Variants in EYS observed in about 807,000 individuals in gnomAD.
EYS encodes the protein EGF-like photoreceptor maintenance factor.
EYS carries 250 observed loss-of-function variants against 282.1 expected under a neutral mutation model. The ratio of observed to expected loss-of-function variants is 0.89; its 90% CI spans 0.80 to 0.98. The LOEUF is 0.98. EYS is among the 50% of genes least tolerant of loss of function. EYS has a pLI of 0.00. For missense variants in EYS, 4,016 were observed against 3,709.0 expected (o/e 1.08, Z -2.15); for synonymous variants, 1,355 against 1,282.9 (o/e 1.06, Z -1.20).
intron 14 of EYS, among the ~76,000 whole-genome samples, chr6:64,946,657 T>G (rs1769883287): frequency 6.6e-6 from 1 of 152,028 alleles, no homozygotes; most frequent in Non-Finnish European, 1.5e-5. Flanking sequence ...TTAACTGTTA[T>G]TTAAATCTGC....
chr6:63,901,498 T>C (rs1773658127), intron 35 of EYS, among the ~76,000 whole-genome samples: 1 of 152,208 alleles, frequency 6.6e-6, no homozygotes, highest in Non-Finnish European at 1.5e-5. Flanking sequence ...GTATGAAGAA[T>C]ATAACTTTAC....
intron 31 of EYS, among the ~76,000 whole-genome samples, chr6:64,125,916 CTTTTT>C (rs111945672): frequency 0.018 from 2,504 of 140,718 alleles, 58 homozygotes; most frequent in African/African-American, 0.059. Context: ...CTATTCTCTT[CTTTTT>C]TTTTTTTTTA....
chr6:63,946,693 T>A (rs2149761683), intron 35 of EYS, among the ~76,000 whole-genome samples: 1 of 151,760 alleles, frequency 6.6e-6, no homozygotes, highest in Admixed American at 6.6e-5. Flanking sequence ...AAGTTTTGTA[T>A]GAAATCCTGA....
At chr6:64,226,434 TA>T (rs1766254749) in intron 31 of EYS, among the ~76,000 whole-genome samples, 1 of 152,120 alleles carries the variant, frequency 6.6e-6, no homozygotes, top group Admixed American at 6.6e-5. Flanking sequence ...AAAACTGTTT[TA>T]TAGAACACTA....
chr6:64,012,416 TCAGTATCAGCAGATGG>T (rs1768681072), intron 33 of EYS, among the ~76,000 whole-genome samples: 2 of 152,094 alleles, frequency 1.3e-5, no homozygotes, highest in African/African-American at 2.4e-5. Context: ...GCCCAGAGAC[TCAGTATCAGCAGATGG>T]CAGTAAAGGT....
At chr6:65,014,324 T>G (rs1227901667) in intron 13 of EYS, among the ~76,000 whole-genome samples, 1 of 152,178 alleles carries the variant, frequency 6.6e-6, no homozygotes, top group Admixed American at 6.6e-5. Flanking sequence ...GTTAAACCAT[T>G]CACAGATTTT....
chr6:65,611,675 C>T (rs551302702), intron 2 of EYS, among the ~76,000 whole-genome samples: 18 of 152,132 alleles, frequency 1.2e-4, no homozygotes, highest in African/African-American at 4.1e-4. Flanking sequence ...ATGGCATTTG[C>T]GATTTATCGC....
rs192647076 is a variant in EYS at position 65,398,346 on chromosome 6, A to C, written c.1184+4132T>G. Among the ~76,000 whole-genome samples the C allele has an allele frequency of 4.1e-3, 622 of 152,202 alleles. 5 individuals carry two copies. The highest frequency in any genetic ancestry group is 0.014 in the African/African-American group (590 of 41,562). ...ATACCTACAACAAATTGATCTTTGA[A>C]AAAGTCAACAAAAATATACATTGGG... is the stretch of plus-strand genomic sequence containing the variant. On this transcript the variant is annotated intron_variant, in intron 7 of 42. Coordinates refer to ENST00000503581, the MANE Select transcript of EYS (RefSeq NM_001142800.2).
chr6:64,683,323 A>T, intron 22 of EYS, among the ~76,000 whole-genome samples: 1 of 152,200 alleles, frequency 6.6e-6, no homozygotes, highest in East Asian at 1.9e-4. Context: ...AAAGGAGCCA[A>T]TATCAATATA....
chr6:63,939,196 C>T (rs1765160611), intron 35 of EYS, among the ~76,000 whole-genome samples: 1 of 151,502 alleles, frequency 6.6e-6, no homozygotes, highest in South Asian at 2.1e-4. Context: ...ATTTCAAAAG[C>T]CTTTTCAAGC....
chr6:65,664,551 G>C (rs963257818), intron 1 of EYS, among the ~76,000 whole-genome samples: 2 of 152,120 alleles, frequency 1.3e-5, no homozygotes, highest in African/African-American at 4.8e-5. Context: ...ATTTGATAGA[G>C]AAAAGAAGAC....
intron 30 of EYS, among the ~76,000 whole-genome samples, chr6:64,274,611 C>G (rs1768053356): frequency 6.7e-6 from 1 of 148,968 alleles, no homozygotes; most frequent in Admixed American, 6.8e-5. Flanking sequence ...AACTATCCTT[C>G]TTTTCTTCAG....
rs575884058 is a variant in EYS at position 64,578,661 on chromosome 6, C to T, written c.5644+11562G>A. The stretch of plus-strand genomic sequence containing the variant: ...TTTATGCTTAGTGTTTATTATCTGT[C>T]TCTCTCCACTAGAAGTTAAGCTCCA... On this transcript the variant is annotated intron_variant, in intron 26 of 42. Coordinates refer to ENST00000503581, the MANE Select transcript of EYS (RefSeq NM_001142800.2). 2.0e-5 allele frequency among the ~76,000 whole-genome samples: 3 copies of T among 151,658 alleles called. No homozygotes were observed. In the East Asian group the frequency reaches 5.8e-4, roughly 29 times the overall value.
intron 26 of EYS, among the ~76,000 whole-genome samples, chr6:64,539,402 A>T (rs958336367): frequency 6.6e-6 from 1 of 152,010 alleles, no homozygotes; most frequent in African/African-American, 2.4e-5. Flanking sequence ...CTGTCTCTAG[A>T]AAAATAAAAA....
chr6:63,724,812 T>A (rs1055302568), intron 42 of EYS, among the ~76,000 whole-genome samples: 1 of 152,140 alleles, frequency 6.6e-6, no homozygotes, highest in African/African-American at 2.4e-5. Flanking sequence ...AAAACCACAT[T>A]GGCTGCTTTT....
At chr6:64,242,154 G>C (rs893222856) in intron 30 of EYS, among the ~76,000 whole-genome samples, 1 of 152,112 alleles carries the variant, frequency 6.6e-6, no homozygotes, top group Non-Finnish European at 1.5e-5. Context: ...ACTTGGAGTG[G>C]AGAGTTCTGT....
chr6:64,622,177 C>T (rs1389373222), intron 23 of EYS, among the ~76,000 whole-genome samples: 1 of 152,064 alleles, frequency 6.6e-6, no homozygotes, highest in Non-Finnish European at 1.5e-5. Context: ...TGAAATCTAA[C>T]CTGAGCTCCA....
At chr6:64,786,899 G>A (rs1774040107) in intron 22 of EYS, among the ~76,000 whole-genome samples, 1 of 152,178 alleles carries the variant, frequency 6.6e-6, no homozygotes, top group Non-Finnish European at 1.5e-5. Flanking sequence ...CTGAGGAGAT[G>A]AGGCCCTTTT....
chr6:64,545,278 T>C (rs1416503764), intron 26 of EYS, among the ~76,000 whole-genome samples: 2 of 152,144 alleles, frequency 1.3e-5, no homozygotes, highest in East Asian at 3.9e-4. Context: ...ACCATACGAT[T>C]ATCTCAATAG....
Sources: allele counts gnomAD v4.1 joint callset (sites outside exome capture counted in the v4.1 genomes callset), GRCh38; gene constraint gnomAD v4.1.1; transcripts MANE v1.5; gene names NCBI Gene and HGNC (gene_info 2026-07-23, HGNC 2026-07-21).